The following ATP2C1 variants were observed in gnomAD, a reference collection of about 807,000 sequenced individuals.
The protein encoded by ATP2C1 is calcium-transporting ATPase type 2C member 1.
A neutral mutation model predicts 120.5 loss-of-function variants in ATP2C1; 31 were observed. That is an observed-to-expected ratio of 0.26 (90% CI 0.19 to 0.35). The LOEUF (loss-of-function observed/expected upper bound fraction) is 0.35, where lower values mean the gene tolerates loss of function less well. Among genes scored for constraint, ATP2C1 ranks in the 10% least tolerant of loss-of-function variants. The pLI is 1.00. For synonymous variants in ATP2C1, 351 were observed against 358.7 expected (o/e 0.98, Z 0.24); for missense variants, 731 against 1,107.5 (o/e 0.66, Z 4.83).
rs1013130379 is a variant in ATP2C1 at position 131,002,381 on chromosome 3, A to G, written c.*1031A>G. On this transcript the variant is annotated 3_prime_UTR_variant, in exon 28 of 28. Coordinates refer to ENST00000510168, the MANE Select transcript of ATP2C1 (RefSeq NM_001378687.1). ...AAACAAATGGTTTATGAACCAGAGT[A>G]TATGTGGAAGATTCTTTGCTGGTCT... 4.1e-6 allele frequency: 4 copies of G among 985,242 alleles called. No homozygotes were observed. The highest frequency in any genetic ancestry group is 4.7e-5 in the South Asian group (1 of 21,288). The allele number at this position is 985,242 out of a possible 1,614,324, so 61.0% of individuals were successfully genotyped here.
intron 1 of ATP2C1, among the ~76,000 whole-genome samples, chr3:130,878,438 G>A (rs898275056): frequency 3.3e-5 from 5 of 152,102 alleles, no homozygotes; most frequent in Admixed American, 1.3e-4. Context: ...TAGTGATAAT[G>A]TTTAGTTCCT....
chr3:130,853,461 C>G (rs1330013430), intron 1 of ATP2C1, among the ~76,000 whole-genome samples: 1 of 152,182 alleles, frequency 6.6e-6, no homozygotes, highest in Non-Finnish European at 1.5e-5. Flanking sequence ...AAGTACCAAC[C>G]ATGTTGACTT....
At chr3:130,968,814 G>A (rs2061166428) in intron 16 of ATP2C1, among the ~76,000 whole-genome samples, 1 of 152,068 alleles carries the variant, frequency 6.6e-6, no homozygotes, top group Admixed American at 6.6e-5. Flanking sequence ...ACGCTATTAG[G>A]AGGGAAAACA....
intron 2 of ATP2C1, among the ~76,000 whole-genome samples, chr3:130,904,935 A>G (rs570415558): frequency 2.0e-5 from 3 of 152,156 alleles, no homozygotes; most frequent in South Asian, 2.1e-4. Context: ...TTGTTGCTCA[A>G]GTCATTCTCG....
At position 130,998,276 on chromosome 3, in the gene ATP2C1, G is replaced by T; in HGVS notation, c.2392-18G>T. ...AATTCAGCCACTGAAAAGTAATTTT[G>T]TTATTGCCTCTTGACAGCTACGAGA... On this transcript the variant is annotated intron_variant, in intron 25 of 27. Coordinates refer to ENST00000510168, the MANE Select transcript of ATP2C1 (RefSeq NM_001378687.1). The T allele has an allele frequency of 6.5e-7, 1 of 1,543,340 alleles. No homozygotes were observed. Among genetic ancestry groups the T allele is most frequent in the Non-Finnish European group, 9.0e-7 (1 of 1,115,660 alleles).
In ATP2C1 at chr3:130,929,085, A is replaced by G. The variant is rs182891628; in HGVS notation, c.7-1331A>G. 1.9e-4 allele frequency among the ~76,000 whole-genome samples: 29 copies of G among 152,278 alleles called. No individual in the cohort carries two copies. In the East Asian group the frequency reaches 5.2e-3, roughly 27 times the overall value. ...AGTTTTTACATTTCTTAATTATGTA[A>G]AAATATTATGCTATAAAATAATTTC... On this transcript the variant is annotated intron_variant, in intron 2 of 27. Coordinates refer to ENST00000510168, the MANE Select transcript of ATP2C1 (RefSeq NM_001378687.1).
Position 130,994,023 on chromosome 3 carries a change from T to C in ATP2C1, c.1982T>C (p.Met661Thr). Residue 661 changes from methionine to threonine, a missense_variant, in exon 22 of 28, where the codon ATG (methionine) becomes ACG (threonine). Met to Thr is a moderately conservative substitution (Grantham distance 81). This residue lies in a region of ATP2C1 where 571 missense variants were observed against 845.9 expected (regional missense o/e 0.67). Transcript: ENST00000510168. ...AAGGCTGCAGACATTGGAGTTGCGA[T>C]GGGCCAGACTGGTACAGATGTTTGC... ...ALKAADIGVA[M>T]GQTGTDVCKE... 6.2e-7 allele frequency: 1 copy of C among 1,614,174 alleles called. No homozygotes were observed. The highest frequency in any genetic ancestry group is 8.5e-7 in the Non-Finnish European group (1 of 1,180,022).
chr3:130,889,449 C>G (rs1189428146), upstream of ATP2C1, among the ~76,000 whole-genome samples: 1 of 152,260 alleles, frequency 6.6e-6, no homozygotes, highest in East Asian at 1.9e-4. Flanking sequence ...GAAACAAGCA[C>G]CTCAACACTG....
At chr3:130,994,175 A>G (rs962086249) in intron 22 of ATP2C1, 77 bp downstream of exon 22, 13 of 1,542,628 alleles carry the variant, frequency 8.4e-6, no homozygotes, top group African/African-American at 5.5e-5. Context: ...AGAGAATTCA[A>G]CTGGAAAAGA....
intron 11 of ATP2C1, among the ~76,000 whole-genome samples, 190 bp downstream of exon 11, chr3:130,956,369 A>G (rs939587507): frequency 1.3e-5 from 2 of 152,106 alleles, no homozygotes; most frequent in Admixed American, 6.5e-5. Context: ...GATTCTTGTA[A>G]TCAGAAAATA....
At chr3:131,016,176 C>T (rs750163362) in exon 27 of ATP2C1, 162 of 1,613,910 alleles carry the variant, frequency 1.0e-4, no homozygotes, top group Non-Finnish European at 1.3e-4. Flanking sequence ...GAGGAGTGGA[C>T]AGCAGCTGGT....
intron 20 of ATP2C1, among the ~76,000 whole-genome samples, chr3:130,986,581 A>G (rs2062022353): frequency 6.6e-6 from 1 of 152,218 alleles, no homozygotes; most frequent in Admixed American, 6.5e-5. Flanking sequence ...ATGCTATTCC[A>G]AGGAGACTAA....
rs749748830 is a variant in ATP2C1 at position 130,999,471 on chromosome 3, T to C, written c.2488-47T>C. ...AGAAGTGAATATAATAAAGAAGTTA[T>C]TTCTGTGACCAAGGAGTAATAAATG... is the stretch of plus-strand genomic sequence containing the variant. On this transcript the variant is annotated intron_variant, in intron 26 of 27. Coordinates refer to ENST00000510168, the MANE Select transcript of ATP2C1 (RefSeq NM_001378687.1). 17 of 1,605,778 alleles carry C rather than the reference T, an allele frequency of 1.1e-5. No homozygotes were observed. In the South Asian group the frequency reaches 1.8e-4, roughly 17 times the overall value.
intron 1 of ATP2C1, among the ~76,000 whole-genome samples, chr3:130,852,507 C>T (rs988705737): frequency 2.0e-5 from 3 of 151,978 alleles, no homozygotes; most frequent in African/African-American, 2.4e-5. Flanking sequence ...AGTCCCTTCC[C>T]CAGTGTACAA....
At chr3:130,916,379 G>A (rs1310804486) in intron 2 of ATP2C1, among the ~76,000 whole-genome samples, 2 of 151,978 alleles carry the variant, frequency 1.3e-5, no homozygotes, top group Non-Finnish European at 2.9e-5. Flanking sequence ...TCGCGCCACT[G>A]CACTCCAGCC....
chr3:130,926,774 G>A (rs973246058), intron 2 of ATP2C1, among the ~76,000 whole-genome samples: 2 of 152,238 alleles, frequency 1.3e-5, no homozygotes, highest in Non-Finnish European at 2.9e-5. Context: ...TTTTATGCAT[G>A]TGATCTTTAT....
intron 1 of ATP2C1, among the ~76,000 whole-genome samples, chr3:130,877,153 C>T (rs2068630355): frequency 6.6e-6 from 1 of 152,112 alleles, no homozygotes; most frequent in African/African-American, 2.4e-5. Flanking sequence ...CTCCTATATA[C>T]TTTTGGTTTT....
intron 1 of ATP2C1, among the ~76,000 whole-genome samples, chr3:130,854,459 C>T (rs971032515): frequency 3.9e-5 from 6 of 152,154 alleles, no homozygotes; most frequent in African/African-American, 1.4e-4. Flanking sequence ...ACATCCAGCA[C>T]CTGGCTCAGA....
intron 26 of ATP2C1, among the ~76,000 whole-genome samples, chr3:131,014,572 A>ATTCT (rs780557222): frequency 6.6e-6 from 1 of 152,224 alleles, no homozygotes; most frequent in Non-Finnish European, 1.5e-5. Context: ...TATGACAAAG[A>ATTCT]TTCTTTGCTG....
Sources: allele counts gnomAD v4.1 joint callset (sites outside exome capture counted in the v4.1 genomes callset), GRCh38; gene constraint gnomAD v4.1.1; regional missense constraint gnomAD v4.1.1; transcripts MANE v1.5; gene names NCBI Gene and HGNC (gene_info 2026-07-23, HGNC 2026-07-21).